LCORL: variants seen among roughly 807,000 people sequenced by gnomAD.
LCORL encodes the protein ligand dependent nuclear receptor corepressor like.
Under a neutral mutation model 141.8 loss-of-function variants are expected in LCORL, and 41 were observed. The ratio of observed to expected loss-of-function variants is 0.29; its 90% CI spans 0.23 to 0.38. LCORL has a LOEUF of 0.38. LCORL is among the 10% of genes least tolerant of loss of function. LCORL has a pLI of 1.00. For missense variants in LCORL, 1,759 were observed against 2,035.0 expected (o/e 0.86, Z 2.61); for synonymous variants, 618 against 694.1 (o/e 0.89, Z 1.72).
intron 7 of LCORL, among the ~76,000 whole-genome samples, chr4:17,870,386 C>A (rs757602098): frequency 8.5e-5 from 13 of 152,174 alleles, no homozygotes; most frequent in South Asian, 2.1e-4. Context: ...CCTCTTCCAA[C>A]TTCTACTACA....
At chr4:17,894,502 C>T (rs531021573) in intron 5 of LCORL, among the ~76,000 whole-genome samples, 40 of 152,116 alleles carry the variant, frequency 2.6e-4, no homozygotes, top group African/African-American at 7.0e-4. Flanking sequence ...ACAATAACAA[C>T]GCTAAAAATG....
chr4:17,997,205 G>A (rs968794083), intron 1 of LCORL, among the ~76,000 whole-genome samples: 11 of 152,164 alleles, frequency 7.2e-5, no homozygotes, highest in Non-Finnish European at 1.6e-4. Context: ...ATACGAACAA[G>A]TATGTACTGG....
At chr4:17,963,680 G>A (rs1302011268) in intron 2 of LCORL, among the ~76,000 whole-genome samples, 1 of 151,480 alleles carries the variant, frequency 6.6e-6, no homozygotes, top group East Asian at 1.9e-4. Flanking sequence ...TAATCCAACT[G>A]TCGTAATATA....
chr4:17,913,421 A>G (rs993099700), intron 4 of LCORL, among the ~76,000 whole-genome samples: 3 of 152,254 alleles, frequency 2.0e-5, no homozygotes, highest in African/African-American at 7.2e-5. Context: ...GATAAAACAC[A>G]ATTAAAGCAA....
intron 5 of LCORL, among the ~76,000 whole-genome samples, chr4:17,904,671 T>C (rs1398689219): frequency 6.6e-6 from 1 of 152,146 alleles, no homozygotes; most frequent in Non-Finnish European, 1.5e-5. Flanking sequence ...TGATTTATAA[T>C]GACATTTCTG....
At chr4:17,955,881 A>G (rs1712518388) in intron 4 of LCORL, among the ~76,000 whole-genome samples, 1 of 152,130 alleles carries the variant, frequency 6.6e-6, no homozygotes, top group Non-Finnish European at 1.5e-5. Context: ...GAGAAGTGAA[A>G]TCATGAGGAG....
chr4:17,847,620 A>G (rs1463380364), intron 7 of LCORL, among the ~76,000 whole-genome samples: 5 of 152,248 alleles, frequency 3.3e-5, no homozygotes, highest in East Asian at 1.9e-4. Flanking sequence ...TAATTAAAGT[A>G]TATGTGACAA....
chr4:17,972,334 T>A (rs1030075520), intron 2 of LCORL, among the ~76,000 whole-genome samples: 1 of 151,844 alleles, frequency 6.6e-6, no homozygotes, highest in Non-Finnish European at 1.5e-5. Context: ...AGCCATTGTT[T>A]CTTCCTTCCC....
At chr4:17,962,125 GCC>G in intron 3 of LCORL, 93 bp from the exon 4 acceptor site, 1 of 757,650 alleles carries the variant, frequency 1.3e-6, no homozygotes, top group South Asian at 2.3e-5. Context: ...TGCTCTAAAT[GCC>G]CATTTGTTCT....
At chr4:17,940,185 T>A (rs1737688223) in intron 4 of LCORL, among the ~76,000 whole-genome samples, 1 of 147,326 alleles carries the variant, frequency 6.8e-6, no homozygotes, top group Non-Finnish European at 1.5e-5. Context: ...TATATATATA[T>A]ATACACACAC....
rs537665462 is a variant in LCORL, at chr4:17,893,156, C to G, written c.683-6995G>C. The G allele has an allele frequency of 7.1e-5, 11 of 154,890 alleles. 1 individual carries two copies. In the East Asian group the frequency reaches 1.9e-3, roughly 27 times the overall value. 9.6% of individuals were successfully genotyped at this position (154,890 alleles called of 1,614,324 possible). A position where few individuals can be genotyped will look rare whatever the true frequency, so the allele number is the denominator to read the frequency against. On this transcript the variant is annotated intron_variant, in intron 5 of 7. Coordinates refer to ENST00000635767, the Ensembl canonical transcript of LCORL. Reference sequence around the variant, plus strand: ...TTACCAGTGTCAACCCTGATGCTCCCCCACCTCAGTATCTTCTTCTGGTCA... The same window carrying G: ...TTACCAGTGTCAACCCTGATGCTCCGCCACCTCAGTATCTTCTTCTGGTCA...
At chr4:17,963,947 T>C (rs1365671615) in intron 2 of LCORL, among the ~76,000 whole-genome samples, 1 of 152,072 alleles carries the variant, frequency 6.6e-6, no homozygotes, top group Non-Finnish European at 1.5e-5. Context: ...ACTTTTGAAA[T>C]ACATGATGAA....
At chr4:17,911,587 G>T in intron 4 of LCORL, 1 of 366,092 alleles carries the variant, frequency 2.7e-6, no homozygotes, top group Non-Finnish European at 5.2e-6. Flanking sequence ...GAGGATAATG[G>T]CCTAAAGAAA....
chr4:17,963,686 A>G (rs1457529446), intron 2 of LCORL, among the ~76,000 whole-genome samples: 1 of 151,952 alleles, frequency 6.6e-6, no homozygotes, highest in Non-Finnish European at 1.5e-5. Context: ...AACTGTCGTA[A>G]TATATTAGAG....
At chr4:17,900,862 C>G (rs1167501131) in intron 5 of LCORL, among the ~76,000 whole-genome samples, 2 of 152,160 alleles carry the variant, frequency 1.3e-5, no homozygotes, top group South Asian at 2.1e-4. Context: ...TATATTTGAA[C>G]AGATAATGGC....
At chr4:17,974,938 G>GT (rs762574059) in intron 1 of LCORL, among the ~76,000 whole-genome samples, 31 of 151,948 alleles carry the variant, frequency 2.0e-4, no homozygotes, top group Non-Finnish European at 3.7e-4. Context: ...TTCATTCCTG[G>GT]TATCAGTTTA....
chr4:17,949,517 C>T (rs908843663), intron 4 of LCORL, among the ~76,000 whole-genome samples: 1 of 152,058 alleles, frequency 6.6e-6, no homozygotes. Flanking sequence ...TCTTCCTTAA[C>T]ATGGCCAAAG....
intron 5 of LCORL, among the ~76,000 whole-genome samples, chr4:17,908,168 T>C (rs1731958640): frequency 6.6e-6 from 1 of 152,054 alleles, no homozygotes; most frequent in Admixed American, 6.6e-5. Context: ...GACTAGCTGG[T>C]ATTACAGGCA....
chr4:17,896,794 T>C (rs1199568259), intron 5 of LCORL, among the ~76,000 whole-genome samples: 1 of 152,192 alleles, frequency 6.6e-6, no homozygotes, highest in Non-Finnish European at 1.5e-5. Context: ...GTCATCCTAT[T>C]GTGCTCTCAA....
Sources: gnomAD v4.1 joint callset for allele counts (sites outside exome capture counted in the v4.1 genomes callset) on GRCh38, gnomAD v4.1.1 for gene constraint, MANE v1.5 for transcripts, NCBI Gene and HGNC (gene_info 2026-07-23, HGNC 2026-07-21) for gene names.